Variants in DOCK4 observed in about 807,000 individuals in gnomAD.
DOCK4 encodes dedicator of cytokinesis protein 4.
In DOCK4, 97 loss-of-function variants were observed where a neutral mutation model predicts 268.1. The observed-to-expected ratio is 0.36, with a 90% CI of 0.31 to 0.43. The LOEUF is 0.43. Among genes scored for constraint, DOCK4 ranks in the 20% least tolerant of loss-of-function variants. The pLI, the probability that DOCK4 is intolerant of heterozygous loss-of-function variation, is 1.00. For synonymous variants in DOCK4, 954 were observed against 887.2 expected (o/e 1.08, Z -1.34); for missense variants, 2,145 against 2,455.7 (o/e 0.87, Z 2.67).
chr7:112,156,869 T>A (rs1013425549), intron 1 of DOCK4, among the ~76,000 whole-genome samples: 6 of 152,178 alleles, frequency 3.9e-5, no homozygotes, highest in Non-Finnish European at 8.8e-5. Flanking sequence ...ACAAATTAAT[T>A]CAATAAAATA....
At position 111,830,885 on chromosome 7, in the gene DOCK4, G is replaced by A. The variant is rs182422911; in HGVS notation, c.2835+3703C>T. Among the ~76,000 whole-genome samples, 79 of 151,766 alleles carry A rather than the reference G, an allele frequency of 5.2e-4. 1 individual carries two copies. The South Asian group carries it at 0.013, about 24-fold the overall frequency. On this transcript the variant is annotated intron_variant, in intron 26 of 52. Coordinates refer to ENST00000428084, the MANE Select transcript of DOCK4 (RefSeq NM_001363540.2). ...ATCAGGTTCACCAACAATATTTAGG[G>A]AACCTTTCATGATGGTACTCGACCT...
chr7:111,739,396 C>T lies in DOCK4; in HGVS notation c.5122G>A (p.Ala1708Thr). Reference protein sequence around the residue: ...VTSSAPSSARASPLLSDKHKH... With the variant: ...VTSSAPSSARTSPLLSDKHKH... ...GTCTTCCCCACACTCTGGCACTGAC[C>T]TCTGGCACTCGATGGAGCAGAACTT... The change falls in exon 48 of 53, where the codon GCT becomes ACT. Residue 1708 changes from alanine to threonine, a missense_variant and splice_region_variant. This residue lies in a region of DOCK4 where 547 missense variants were observed against 469.0 expected (regional missense o/e 1.17). Coordinates refer to ENST00000428084, the MANE Select transcript of DOCK4 (RefSeq NM_001363540.2). 6.3e-7 allele frequency: 1 copy of T among 1,590,324 alleles called. No individual in the cohort carries two copies. The highest frequency in any genetic ancestry group is 8.6e-7 in the Non-Finnish European group (1 of 1,168,328).
At chr7:112,125,606 C>A (rs1813147853) in intron 1 of DOCK4, among the ~76,000 whole-genome samples, 1 of 152,194 alleles carries the variant, frequency 6.6e-6, no homozygotes, top group African/African-American at 2.4e-5. Flanking sequence ...TTACCAATTT[C>A]AGTTTCACAA....
At chr7:111,994,088 A>G (rs955335778) in intron 5 of DOCK4, 47 bp downstream of exon 5, 9 of 1,318,580 alleles carry the variant, frequency 6.8e-6, no homozygotes, top group African/African-American at 1.5e-5. Flanking sequence ...GTATTTCTTA[A>G]AACAATTCTT....
chr7:111,876,356 G>C (rs964434835), intron 17 of DOCK4, among the ~76,000 whole-genome samples: 1 of 152,122 alleles, frequency 6.6e-6, no homozygotes, highest in Non-Finnish European at 1.5e-5. Flanking sequence ...AAGGAACTAA[G>C]AAAGAACGAA....
intron 1 of DOCK4, among the ~76,000 whole-genome samples, chr7:112,024,477 C>T (rs1433008674): frequency 6.6e-6 from 1 of 152,168 alleles, no homozygotes; most frequent in East Asian, 1.9e-4. Context: ...GCTGCTCAGG[C>T]CAAAAGTCCT....
chr7:111,728,569 AC>A lies in DOCK4; in HGVS notation c.5632del (p.Val1878Ter). The stretch of plus-strand genomic sequence containing the variant: ...CGGCAGGGGGGCCGACTGTTCATTC[AC>A]CTGATTTTCAAAGCCTGAGGTTTCC... ...TSETSGFENQ[V>X]NEQSAPLPVP... On this transcript the variant is annotated frameshift_variant, in exon 53 of 53. Transcript: ENST00000428084. LOFTEE classifies it high-confidence loss of function. The A allele has an allele frequency of 3.1e-6, 5 of 1,613,958 alleles. No individual in the cohort carries two copies. Among genetic ancestry groups the A allele is most frequent in the Non-Finnish European group, 3.4e-6 (4 of 1,179,894 alleles).
chr7:111,730,120 T>C (rs1447110197), intron 52 of DOCK4, among the ~76,000 whole-genome samples: 2 of 152,164 alleles, frequency 1.3e-5, no homozygotes, highest in Non-Finnish European at 2.9e-5. Context: ...GTGTCAGCTG[T>C]CTGGCCCCAT....
rs551472057 is a variant in DOCK4, at chr7:111,969,255, GA to G, written c.701+7876del. On this transcript the variant is annotated intron_variant, in intron 8 of 52. Coordinates refer to ENST00000428084, the MANE Select transcript of DOCK4 (RefSeq NM_001363540.2). The stretch of plus-strand genomic sequence containing the variant: ...ACAGCTGTACAAACAAATAATGACT[GA>G]AAAAAAAAAAGAATGTTTTCTATTC... 7.0e-3 allele frequency among the ~76,000 whole-genome samples: 956 copies of G among 136,936 alleles called. 4 individuals are homozygous for G. Among genetic ancestry groups the G allele is most frequent in the African/African-American group, 0.016 (582 of 37,424 alleles). The allele number at this position is 136,936 out of a possible 152,430, so 89.8% of individuals were successfully genotyped here.
intron 1 of DOCK4, among the ~76,000 whole-genome samples, chr7:112,173,836 A>G (rs1486263855): frequency 6.6e-6 from 1 of 152,094 alleles, no homozygotes; most frequent in Admixed American, 6.5e-5. Context: ...GATGGCCAAC[A>G]ATGCAGTGAC....
chr7:112,076,583 C>T (rs1032282421), intron 1 of DOCK4, among the ~76,000 whole-genome samples: 1 of 152,098 alleles, frequency 6.6e-6, no homozygotes, highest in Non-Finnish European at 1.5e-5. Flanking sequence ...TGGACATTCT[C>T]CAGGTAGCCA....
rs1173942476 is a variant in DOCK4 at position 111,741,222 on chromosome 7, AG to A, written c.4920-9del. On this transcript the variant is annotated splice_polypyrimidine_tract_variant and intron_variant, in intron 46 of 52. Transcript: ENST00000428084. The stretch of plus-strand genomic sequence containing the variant: ...GCTGGGTAACTTAACGGGCTGTTTC[AG>A]GGGGAAAAAAAAGGTCATTAACTCA... 3 of 1,613,184 alleles carry A rather than the reference AG, an allele frequency of 1.9e-6. No individual in the cohort carries two copies. Among genetic ancestry groups the A allele is most frequent in the South Asian group, 1.1e-5 (1 of 90,886 alleles).
intron 25 of DOCK4, among the ~76,000 whole-genome samples, chr7:111,836,306 C>T (rs1200232973): frequency 6.6e-6 from 1 of 151,608 alleles, no homozygotes; most frequent in Admixed American, 6.6e-5. Flanking sequence ...AGAAAAACTA[C>T]TCCTAGAGTA....
intron 26 of DOCK4, among the ~76,000 whole-genome samples, chr7:111,824,844 T>C (rs1459945780): frequency 6.6e-6 from 1 of 152,226 alleles, no homozygotes; most frequent in East Asian, 1.9e-4. Context: ...CCAATGCCTG[T>C]GAACTGACAT....
At chr7:111,989,651 CA>C (rs1799363300) in intron 5 of DOCK4, among the ~76,000 whole-genome samples, 1 of 152,184 alleles carries the variant, frequency 6.6e-6, no homozygotes, top group Admixed American at 6.5e-5. Flanking sequence ...AGAAGTTGGG[CA>C]CAAAATTCAT....
intron 1 of DOCK4, among the ~76,000 whole-genome samples, chr7:112,078,764 T>C (rs548617875): frequency 6.6e-6 from 1 of 152,298 alleles, no homozygotes; most frequent in Non-Finnish European, 1.5e-5. Flanking sequence ...TATACACGTA[T>C]CTCCTGCAGA....
Position 111,730,619 on chromosome 7 carries a change from T to C in DOCK4, c.5481+1607A>G, listed in dbSNP as rs994791843. Among the ~76,000 whole-genome samples, 12 of 150,976 alleles carry C rather than the reference T, an allele frequency of 7.9e-5. No individual in the cohort carries two copies. The East Asian group carries it at 2.1e-3, about 27-fold the overall frequency. ...TCGCTGTAGGGTTAGACCCACAGTT[T>C]GATGGCTGGCTGGGGTAAAAAAAAA... is the stretch of plus-strand genomic sequence containing the variant. On this transcript the variant is annotated intron_variant, in intron 52 of 52. Transcript: ENST00000428084.
intron 34 of DOCK4, 68 bp from the exon 35 acceptor site, chr7:111,782,992 T>C (rs887699431): frequency 4.2e-5 from 58 of 1,369,670 alleles, no homozygotes; most frequent in African/African-American, 7.5e-5. Context: ...TTTGTTCTTT[T>C]TGGGGGAAAA....
rs918969799 is a variant in DOCK4 at position 111,824,335 on chromosome 7, G to C, written c.2836-1879C>G. On this transcript the variant is annotated intron_variant, in intron 26 of 52. Coordinates refer to ENST00000428084, the MANE Select transcript of DOCK4 (RefSeq NM_001363540.2). ...ATTATATATAATCCCTGCAAAAATG[G>C]CTTGTGCATTTATCTTTGAAAGAGT... 2.0e-5 allele frequency among the ~76,000 whole-genome samples: 3 copies of C among 151,856 alleles called. No individual in the cohort carries two copies. In the East Asian group the frequency reaches 5.8e-4, roughly 29 times the overall value.
Sources: allele counts gnomAD v4.1 joint callset (sites outside exome capture counted in the v4.1 genomes callset), GRCh38; gene constraint gnomAD v4.1.1; regional missense constraint gnomAD v4.1.1; transcripts MANE v1.5; gene names NCBI Gene and HGNC (gene_info 2026-07-23, HGNC 2026-07-21).